OTUD6B: variants seen among roughly 807,000 people sequenced by gnomAD.
The protein encoded by OTUD6B is OTU deubiquitinase 6B, also known as deubiquitinase OTUD6B.
In OTUD6B, 41 loss-of-function variants were observed where a neutral mutation model predicts 36.9. That is an observed-to-expected ratio of 1.11 (90% CI 0.87 to 1.44). OTUD6B has a LOEUF of 1.44. OTUD6B is among the 40% of genes most tolerant of loss of function. The pLI is 0.00. For missense variants in OTUD6B, 356 were observed against 344.8 expected (o/e 1.03, Z -0.26); for synonymous variants, 114 against 114.2 (o/e 1.00, Z 0.01).
In OTUD6B at chr8:91,085,891, A is replaced by C. The variant is rs1419709165; in HGVS notation, c.*1023A>C. 1.3e-5 allele frequency: 2 copies of C among 152,028 alleles called. No homozygotes were observed. The highest frequency in any genetic ancestry group is 2.9e-5 in the Non-Finnish European group (2 of 67,952). 9.4% of individuals were successfully genotyped at this position (152,028 alleles called of 1,614,324 possible). ...CTAGGATTTGAATAAAACCTTTGCC[A>C]CTTATTTTATTAGCCTTATTAATGT... On this transcript the variant is annotated 3_prime_UTR_variant, in exon 7 of 7. Coordinates refer to ENST00000404789, the MANE Select transcript of OTUD6B (RefSeq NM_016023.5).
intron 4 of OTUD6B, chr8:91,079,158 A>G (rs1190725763): frequency 1.3e-5 from 2 of 152,386 alleles, no homozygotes; most frequent in African/African-American, 4.8e-5. Context: ...TTTATTCTAT[A>G]CAATACTATC....
intron 5 of OTUD6B, 133 bp downstream of exon 5, chr8:91,080,863 T>C: frequency 3.0e-6 from 2 of 658,576 alleles, no homozygotes; most frequent in South Asian, 3.9e-5. Flanking sequence ...TTTGCTCTTC[T>C]CAACTGACAA....
Position 91,084,854 on chromosome 8 carries a change from G to A in OTUD6B, c.868G>A (p.Glu290Lys). The A allele has an allele frequency of 1.3e-6, 2 of 1,543,250 alleles. No homozygotes were observed. Among genetic ancestry groups the A allele is most frequent in the African/African-American group, 2.7e-5 (2 of 72,816 alleles). The change falls in exon 7 of 7, where the codon GAA becomes AAA. Residue 290 changes from glutamate (E) to lysine (K), a missense_variant. Transcript: ENST00000404789. ...TACACGGTTGGTAAACATAGTTACTGAAAATTGCAGCTAATTTATACAATG... is the reference window on the plus strand; with the variant it reads ...TACACGGTTGGTAAACATAGTTACTAAAAATTGCAGCTAATTTATACAATG... ...SVTRLVNIVT[E>K]NCS
intron 2 of OTUD6B, 23 bp downstream of exon 2, chr8:91,071,312 G>T: frequency 6.3e-7 from 1 of 1,585,570 alleles, no homozygotes; most frequent in Non-Finnish European, 8.6e-7. Flanking sequence ...AATGTTTGTC[G>T]TTGCCTACAC....
intron 3 of OTUD6B, among the ~76,000 whole-genome samples, chr8:91,078,003 A>G (rs1339760397): frequency 6.6e-6 from 1 of 152,080 alleles, no homozygotes; most frequent in Non-Finnish European, 1.5e-5. Flanking sequence ...GCTTTAATAT[A>G]ATAATAATGT....
chr8:91,079,179 T>G (rs1025590331), intron 4 of OTUD6B: 1 of 152,074 alleles, frequency 6.6e-6, no homozygotes, highest in Non-Finnish European at 1.5e-5. Flanking sequence ...ACAGTTAAGA[T>G]AAAATATTTA....
At chr8:91,082,251 T>G (rs1205032675) in intron 5 of OTUD6B, among the ~76,000 whole-genome samples, 1 of 152,176 alleles carries the variant, frequency 6.6e-6, no homozygotes, top group African/African-American at 2.4e-5. Flanking sequence ...CAGAGTGCTT[T>G]CCATATTTTT....
chr8:91,078,355 G>A lies in OTUD6B; in HGVS notation c.316-1G>A. On this transcript the variant is annotated splice_acceptor_variant, in intron 3 of 6. Transcript: ENST00000404789. LOFTEE classifies it high-confidence loss of function. ...ACTTTCATGCATTCTGCTTTTCTTA[G>A]GAAAAGAAAGCTGCATTGGAAAAGG... is the stretch of plus-strand genomic sequence containing the variant. 6.4e-7 allele frequency: 1 copy of A among 1,555,764 alleles called. No homozygotes were observed.
rs564713104 is a variant in OTUD6B at position 91,078,048 on chromosome 8, A to G, written c.316-308A>G. On this transcript the variant is annotated intron_variant, in intron 3 of 6. Transcript: ENST00000404789. ...CCTAGGATAACTCAGTCTTAAGAGA[A>G]TACTTTGAAATCAGTAAGTAAGGTT... Among the ~76,000 whole-genome samples, 13 of 152,194 alleles carry G rather than the reference A, an allele frequency of 8.5e-5. No homozygotes were observed. The East Asian group carries it at 9.6e-4, about 11-fold the overall frequency.
chr8:91,082,745 CTTTTTTTTTT>C (rs369648071), intron 5 of OTUD6B, among the ~76,000 whole-genome samples: 13 of 111,868 alleles, frequency 1.2e-4, no homozygotes, highest in African/African-American at 3.7e-4. Context: ...GGTCATATGT[CTTTTTTTTTT>C]TTTTTTTTTT....
At chr8:91,082,929 G>A (rs535092076) in intron 5 of OTUD6B, among the ~76,000 whole-genome samples, 3 of 151,602 alleles carry the variant, frequency 2.0e-5, no homozygotes, top group Non-Finnish European at 4.4e-5. Context: ...GTCTGGTCTC[G>A]AATGCCTGGA....
rs1241980512 is a variant in OTUD6B, at chr8:91,086,582, A to C, written c.*1714A>C. On this transcript the variant is annotated 3_prime_UTR_variant, in exon 7 of 7. Transcript: ENST00000404789. The stretch of plus-strand genomic sequence containing the variant: ...ACAAGATATTATGAAACCCAGTATT[A>C]TAAATGTTATCTACATCTAAAGTAT... 4 of 152,124 alleles carry C rather than the reference A, an allele frequency of 2.6e-5. No individual in the cohort carries two copies. The highest frequency in any genetic ancestry group is 5.9e-5 in the Non-Finnish European group (4 of 68,000). 9.4% of individuals were successfully genotyped at this position (152,124 alleles called of 1,614,324 possible).
chr8:91,071,000 TG>T, intron 1 of OTUD6B, 137 bp from the exon 2 acceptor site: 1 of 1,411,728 alleles, frequency 7.1e-7, no homozygotes, highest in Non-Finnish European at 9.2e-7. Flanking sequence ...TCTCTGTAGC[TG>T]CCTGTTACGT....
Position 91,086,544 on chromosome 8 carries a change from A to G in OTUD6B, c.*1676A>G, listed in dbSNP as rs1813018952. On this transcript the variant is annotated 3_prime_UTR_variant, in exon 7 of 7. Transcript: ENST00000404789. Reference sequence around the variant, plus strand: ...TCTGTTACTTTAAAATGTCAACATTAGGAAGCCATAAAACAAGATATTATG... The same window carrying G: ...TCTGTTACTTTAAAATGTCAACATTGGGAAGCCATAAAACAAGATATTATG... The G allele has an allele frequency of 6.6e-6, 1 of 152,124 alleles. No individual in the cohort carries two copies. The highest frequency in any genetic ancestry group is 1.5e-5 in the Non-Finnish European group (1 of 67,984). The allele number at this position is 152,124 out of a possible 1,614,324, so 9.4% of individuals were successfully genotyped here.
At chr8:91,077,287 C>T (rs1248502578) in intron 3 of OTUD6B, among the ~76,000 whole-genome samples, 2 of 151,706 alleles carry the variant, frequency 1.3e-5, no homozygotes, top group Non-Finnish European at 2.9e-5. Flanking sequence ...TTTGGAATCC[C>T]GTCATCCAGA....
Position 91,081,387 on chromosome 8 carries a change from C to CAAAA in OTUD6B, c.690+662_690+665dup, listed in dbSNP as rs778501268. 2.6e-3 allele frequency among the ~76,000 whole-genome samples: 397 copies of CAAAA among 150,704 alleles called. 7 individuals are homozygous for CAAAA. The highest frequency in any genetic ancestry group is 3.1e-3 in the Non-Finnish European group (209 of 67,510). ...GTTTTGTTAAAAACAAACAAACAAA[C>CAAAA]AAAAAAAACAGGTAGGTAGGCCAGA... On this transcript the variant is annotated intron_variant, in intron 5 of 6. Transcript: ENST00000404789.
Position 91,080,596 on chromosome 8 carries a change from G to A in OTUD6B, c.629-73G>A, listed in dbSNP as rs898904832. The A allele has an allele frequency of 2.8e-5, 42 of 1,517,024 alleles. 1 individual carries two copies. Among genetic ancestry groups the A allele is most frequent in the African/African-American group, 1.5e-4 (11 of 71,026 alleles). 94.0% of individuals were successfully genotyped at this position (1,517,024 alleles called of 1,614,324 possible). On this transcript the variant is annotated intron_variant, in intron 4 of 6. Coordinates refer to ENST00000404789, the MANE Select transcript of OTUD6B (RefSeq NM_016023.5). ...TGGGCATTTTTGTCAGGAATTGTGG[G>A]AACTATAAAAGGGATTTTGTAACAT...
intron 4 of OTUD6B, among the ~76,000 whole-genome samples, chr8:91,080,379 G>A (rs755307230): frequency 6.6e-6 from 1 of 152,020 alleles, no homozygotes; most frequent in African/African-American, 2.4e-5. Flanking sequence ...TGGGGTCAAC[G>A]CTTGGGGTAG....
Position 91,086,053 on chromosome 8 carries a change from TACTC to T in OTUD6B, c.*1188_*1191del, listed in dbSNP as rs1375098615. 6.6e-6 allele frequency: 1 copy of T among 152,120 alleles called. No homozygotes were observed. The highest frequency in any genetic ancestry group is 1.9e-4 in the East Asian group (1 of 5,200). 9.4% of individuals were successfully genotyped at this position (152,120 alleles called of 1,614,324 possible). A position where few individuals can be genotyped will look rare whatever the true frequency, so the allele number is the denominator to read the frequency against. On this transcript the variant is annotated 3_prime_UTR_variant, in exon 7 of 7. Transcript: ENST00000404789. The stretch of plus-strand genomic sequence containing the variant: ...GGTTGTTCTAGCTCAGATTTCAGGT[TACTC>T]ACAACAGTATTCTTTCTAAGAGGAT...
Sources: gnomAD v4.1 joint callset for allele counts (sites outside exome capture counted in the v4.1 genomes callset) on GRCh38, gnomAD v4.1.1 for gene constraint, MANE v1.5 for transcripts, NCBI Gene and HGNC (gene_info 2026-07-23, HGNC 2026-07-21) for gene names.